Variants in SDCCAG8 observed in about 807,000 individuals in gnomAD.
The protein encoded by SDCCAG8 is SHH signaling and ciliogenesis regulator SDCCAG8.
SDCCAG8 carries 74 observed loss-of-function variants against 101.8 expected under a neutral mutation model. The observed-to-expected ratio is 0.73, with a 90% CI of 0.60 to 0.88. The LOEUF (loss-of-function observed/expected upper bound fraction) is 0.88. Ranked by LOEUF, SDCCAG8 falls within the 40% of genes least tolerant of loss-of-function variation. SDCCAG8 has a pLI of 0.00. For missense variants in SDCCAG8, 787 were observed against 822.6 expected, an observed-to-expected ratio of 0.96 and a Z score of 0.53; for synonymous variants, 281 against 292.9, an observed-to-expected ratio of 0.96 and a Z score of 0.41.
intron 6 of SDCCAG8, among the ~76,000 whole-genome samples, chr1:243,298,002 C>G (rs2071100885): frequency 6.6e-6 from 1 of 150,718 alleles, no homozygotes. Flanking sequence ...CAACTACAAT[C>G]ATGAAGCTAA....
chr1:243,491,278 C>A (rs1666349165), intron 17 of SDCCAG8, among the ~76,000 whole-genome samples: 1 of 152,196 alleles, frequency 6.6e-6, no homozygotes, highest in Non-Finnish European at 1.5e-5. Context: ...ATTAAAAAAA[C>A]CCCAAACCTC....
At chr1:243,470,763 C>G (rs1196696345) in intron 16 of SDCCAG8, among the ~76,000 whole-genome samples, 1 of 152,144 alleles carries the variant, frequency 6.6e-6, no homozygotes, top group Non-Finnish European at 1.5e-5. Flanking sequence ...TGCTGTCCCC[C>G]TCCTGTGGCA....
At chr1:243,317,702 G>A (rs979182354) in intron 9 of SDCCAG8, among the ~76,000 whole-genome samples, 5 of 152,102 alleles carry the variant, frequency 3.3e-5, no homozygotes, top group East Asian at 1.9e-4. Context: ...CTTAGTGATC[G>A]GACGGTGTTA....
At chr1:243,312,579 G>A (rs542533239) in intron 8 of SDCCAG8, among the ~76,000 whole-genome samples, 2 of 152,114 alleles carry the variant, frequency 1.3e-5, no homozygotes, top group African/African-American at 4.8e-5. Context: ...GTTGGTGCAC[G>A]CCTGTAATCC....
chr1:243,256,325 C>T, intron 1 of SDCCAG8, 85 bp downstream of exon 1: 1 of 1,077,776 alleles, frequency 9.3e-7, no homozygotes, highest in Non-Finnish European at 1.4e-6. Context: ...TTCCTAACAC[C>T]TGGGTTCTGC....
At position 243,343,726 on chromosome 1, in the gene SDCCAG8, T is replaced by C. The variant is rs186990843; in HGVS notation, c.1357-489T>C. On this transcript the variant is annotated intron_variant, in intron 11 of 17. Coordinates refer to ENST00000366541, the MANE Select transcript of SDCCAG8 (RefSeq NM_006642.5). ...ATACTGGATATTACAGACCTAGATA[T>C]CAATAGTATATCTATCAGCAGACAA... 1.1e-4 allele frequency among the ~76,000 whole-genome samples: 16 copies of C among 152,332 alleles called. No homozygotes were observed. The East Asian group carries it at 2.9e-3, about 28-fold the overall frequency.
intron 13 of SDCCAG8, among the ~76,000 whole-genome samples, chr1:243,382,026 G>A (rs1330969054): frequency 2.0e-5 from 3 of 152,204 alleles, no homozygotes; most frequent in Admixed American, 2.0e-4. Context: ...GGAAGAAAGT[G>A]GGTTGGGTAC....
intron 16 of SDCCAG8, among the ~76,000 whole-genome samples, chr1:243,467,800 A>G (rs929814127): frequency 4.6e-5 from 7 of 152,220 alleles, no homozygotes; most frequent in African/African-American, 1.4e-4. Flanking sequence ...ACGTCCTGCC[A>G]TCTTATAAAG....
At chr1:243,377,200 T>C (rs1220652450) in intron 12 of SDCCAG8, among the ~76,000 whole-genome samples, 1 of 152,104 alleles carries the variant, frequency 6.6e-6, no homozygotes, top group Non-Finnish European at 1.5e-5. Flanking sequence ...GTTTCTTACA[T>C]ATAGGACTGT....
rs370824380 is a variant in SDCCAG8, at chr1:243,384,829, A to T, written c.1616+5966A>T. Among the ~76,000 whole-genome samples, 6 of 152,288 alleles carry T rather than the reference A, an allele frequency of 3.9e-5. No individual in the cohort carries two copies. The East Asian group carries it at 7.7e-4, about 20-fold the overall frequency. On this transcript the variant is annotated intron_variant, in intron 13 of 17. Coordinates refer to ENST00000366541, the MANE Select transcript of SDCCAG8 (RefSeq NM_006642.5). ...AAACAAGTGCCTCGTAAGCATGTTC[A>T]CTAAACACGTCTAGCCTAGCATGTA...
chr1:243,427,687 TG>T (rs951518521), intron 16 of SDCCAG8, among the ~76,000 whole-genome samples: 1 of 151,436 alleles, frequency 6.6e-6, no homozygotes, highest in Non-Finnish European at 1.5e-5. Context: ...TAGCCTGGGG[TG>T]GGGGGGAGGT....
intron 12 of SDCCAG8, among the ~76,000 whole-genome samples, chr1:243,377,436 C>T (rs2077662621): frequency 6.6e-6 from 1 of 151,556 alleles, no homozygotes; most frequent in Non-Finnish European, 1.5e-5. Flanking sequence ...CTTAGTATTC[C>T]AATTTGAAAG....
At chr1:243,489,771 T>C (rs1195268997) in intron 17 of SDCCAG8, among the ~76,000 whole-genome samples, 2 of 152,092 alleles carry the variant, frequency 1.3e-5, no homozygotes, top group Non-Finnish European at 2.9e-5. Flanking sequence ...AGCTGGCAAG[T>C]AGGGACACCG....
At chr1:243,480,221 A>C (rs1445910481) in intron 16 of SDCCAG8, among the ~76,000 whole-genome samples, 1 of 150,472 alleles carries the variant, frequency 6.6e-6, no homozygotes, top group Non-Finnish European at 1.5e-5. Flanking sequence ...CTCTATGAGA[A>C]GGCTGTGCAG....
intron 13 of SDCCAG8, among the ~76,000 whole-genome samples, chr1:243,401,050 A>C (rs12741880): frequency 6.6e-6 from 1 of 152,212 alleles, no homozygotes; most frequent in Non-Finnish European, 1.5e-5. Flanking sequence ...ATACACTTGG[A>C]GGTGCCTATA....
At chr1:243,334,094 C>T (rs1344855742) in intron 10 of SDCCAG8, among the ~76,000 whole-genome samples, 1 of 152,176 alleles carries the variant, frequency 6.6e-6, no homozygotes, top group Non-Finnish European at 1.5e-5. Flanking sequence ...CCGTCTTTCT[C>T]ACCCCACACA....
intron 9 of SDCCAG8, among the ~76,000 whole-genome samples, chr1:243,325,303 G>T (rs1489981065): frequency 6.6e-6 from 1 of 152,112 alleles, no homozygotes; most frequent in African/African-American, 2.4e-5. Flanking sequence ...CAGTAAATTA[G>T]TAATAATGAA....
At chr1:243,389,764 G>A (rs993119242) in intron 13 of SDCCAG8, among the ~76,000 whole-genome samples, 12 of 152,174 alleles carry the variant, frequency 7.9e-5, no homozygotes, top group Non-Finnish European at 1.3e-4. Context: ...TGAGGAAGCC[G>A]AGCCTCCGAA....
At chr1:243,327,145 G>C (rs1269214417) in intron 9 of SDCCAG8, among the ~76,000 whole-genome samples, 2 of 152,006 alleles carry the variant, frequency 1.3e-5, no homozygotes, top group Non-Finnish European at 2.9e-5. Context: ...AGGGAGAGAA[G>C]CCAGGACTTG....
Sources: allele counts gnomAD v4.1 joint callset (sites outside exome capture counted in the v4.1 genomes callset), GRCh38; gene constraint gnomAD v4.1.1; transcripts MANE v1.5; gene names NCBI Gene and HGNC (gene_info 2026-07-23, HGNC 2026-07-21).